Variants in ADAMTSL1 observed in about 807,000 individuals in gnomAD.
ADAMTSL1 encodes the protein ADAMTS like 1.
ADAMTSL1 carries 126 observed loss-of-function variants against 201.8 expected under a neutral mutation model. The observed-to-expected ratio is 0.62, with a 90% CI of 0.54 to 0.72. ADAMTSL1 has a LOEUF of 0.72. Ranked by LOEUF, ADAMTSL1 falls within the 30% of genes least tolerant of loss-of-function variation. The pLI is 0.00. For missense variants in ADAMTSL1, 2,679 were observed against 2,277.8 expected, an observed-to-expected ratio of 1.18 and a Z score of -3.59; for synonymous variants, 1,121 against 903.4, an observed-to-expected ratio of 1.24 and a Z score of -4.32.
At position 18,829,834 on chromosome 9, in the gene ADAMTSL1, T is replaced by C; in HGVS notation, c.4115-9T>C. 1.9e-6 allele frequency: 3 copies of C among 1,613,936 alleles called. No homozygotes were observed. Among genetic ancestry groups the C allele is most frequent in the Non-Finnish European group, 2.5e-6 (3 of 1,179,836 alleles). ...TAACCTGCCTGATCCACCCTCTGCC[T>C]TCTCACAGATCCCCCCCAAGTCCCC... On this transcript the variant is annotated splice_polypyrimidine_tract_variant and intron_variant, in intron 22 of 28. Coordinates refer to ENST00000380548, the MANE Select transcript of ADAMTSL1 (RefSeq NM_001040272.6).
At chr9:18,316,641 C>G (rs141838605) in intron 2 of ADAMTSL1, among the ~76,000 whole-genome samples, 1 of 151,920 alleles carries the variant, frequency 6.6e-6, no homozygotes, top group Admixed American at 6.6e-5. Flanking sequence ...TTTCAAGGTG[C>G]CCAGATTTCA....
intron 9 of ADAMTSL1, among the ~76,000 whole-genome samples, chr9:18,668,290 G>T (rs1000277126): frequency 1.3e-5 from 2 of 152,050 alleles, no homozygotes; most frequent in Admixed American, 1.3e-4. Flanking sequence ...TGAGATAAAT[G>T]ATACAAAGTT....
chr9:18,254,344 G>GT (rs1831584113), intron 2 of ADAMTSL1, among the ~76,000 whole-genome samples: 2 of 55,088 alleles, frequency 3.6e-5, no homozygotes, highest in African/African-American at 1.2e-4. Flanking sequence ...TACTCTTTTT[G>GT]GTTTTTTTTT....
chr9:18,021,510 G>T (rs1287004536), intron 1 of ADAMTSL1, among the ~76,000 whole-genome samples: 1 of 152,148 alleles, frequency 6.6e-6, no homozygotes, highest in African/African-American at 2.4e-5. Flanking sequence ...GGTTGGAACT[G>T]AAACATCTAT....
chr9:18,754,980 C>T (rs10738518), intron 16 of ADAMTSL1, among the ~76,000 whole-genome samples: 104,575 of 151,944 alleles, frequency 0.69, 36,213 homozygotes, highest in Admixed American at 0.75. Context: ...ATTAGCCTTA[C>T]TTTAGGTTTG....
At position 18,023,450 on chromosome 9, in the gene ADAMTSL1, A is replaced by G. The variant is rs1343200079; in HGVS notation, c.87+116528A>G. Among the ~76,000 whole-genome samples the G allele has an allele frequency of 2.6e-5, 4 of 152,246 alleles. No individual in the cohort carries two copies. The East Asian group carries it at 7.7e-4, about 29-fold the overall frequency. On this transcript the variant is annotated intron_variant, in intron 1 of 29. Transcript: ENST00000680146. ...AAGCTAAAGAAAAAAACCTTGTGAT[A>G]AGTTATTTTCTCTGCATATGACCAG...
At chr9:18,290,281 A>ATTT (rs35411626) in intron 2 of ADAMTSL1, among the ~76,000 whole-genome samples, 44,123 of 147,750 alleles carry the variant, frequency 0.3, 7,290 homozygotes, top group South Asian at 0.48. Flanking sequence ...AGGGGATTAG[A>ATTT]TTTTTTTTTT....
rs188871643 is a variant in ADAMTSL1, at chr9:18,843,999, A to G, written c.4249+14022A>G. 3.1e-3 allele frequency among the ~76,000 whole-genome samples: 477 copies of G among 152,234 alleles called. 3 individuals carry two copies. The highest frequency in any genetic ancestry group is 0.011 in the African/African-American group (438 of 41,532). On this transcript the variant is annotated intron_variant, in intron 23 of 28. Transcript: ENST00000380548. ...GTTTGAATTTCCTCCTGTAGCTCGG[A>G]GTAGTTTGATCGTCTGAAGACTTCT... is the stretch of plus-strand genomic sequence containing the variant.
At chr9:18,554,997 CT>C (rs779531860) in intron 3 of ADAMTSL1, among the ~76,000 whole-genome samples, 26 of 151,796 alleles carry the variant, frequency 1.7e-4, no homozygotes, top group Non-Finnish European at 3.4e-4. Flanking sequence ...GTTTCACTAC[CT>C]TAAAAATCTT....
At chr9:18,232,038 C>T (rs12378796) in intron 2 of ADAMTSL1, among the ~76,000 whole-genome samples, 15,753 of 152,210 alleles carry the variant, frequency 0.1, 931 homozygotes, top group South Asian at 0.18. Context: ...AAACATAAGT[C>T]ACATCGTGTC....
chr9:18,122,770 C>A (rs530400666), intron 1 of ADAMTSL1, among the ~76,000 whole-genome samples: 27 of 152,028 alleles, frequency 1.8e-4, no homozygotes, highest in South Asian at 1.0e-3. Context: ...CTGGGCAGGG[C>A]AGGTTGGTTT....
At chr9:18,458,187 TAAACC>T (rs1473838796) in intron 2 of ADAMTSL1, among the ~76,000 whole-genome samples, 1 of 152,242 alleles carries the variant, frequency 6.6e-6, no homozygotes, top group Non-Finnish European at 1.5e-5. Flanking sequence ...TGTTTTCATT[TAAACC>T]AAGAGTTTTC....
At chr9:18,180,564 A>T (rs1218179716) in intron 2 of ADAMTSL1, among the ~76,000 whole-genome samples, 2 of 151,420 alleles carry the variant, frequency 1.3e-5, no homozygotes, top group East Asian at 3.9e-4. Context: ...AATACCTAAG[A>T]ATCCAACTTA....
At chr9:18,129,469 A>G (rs190947375) in intron 1 of ADAMTSL1, among the ~76,000 whole-genome samples, 3 of 152,288 alleles carry the variant, frequency 2.0e-5, no homozygotes, top group East Asian at 3.9e-4. Flanking sequence ...GGCCCCTGAG[A>G]AGACCTGCTT....
rs140590433 is a variant in ADAMTSL1 at position 17,984,292 on chromosome 9, G to A, written c.87+77370G>A. Reference sequence around the variant, plus strand: ...TACTCTCAGCACCCAGATTATGATTGTTAGCAGTTTTGTGTATCCTTCCCA... The same window carrying A: ...TACTCTCAGCACCCAGATTATGATTATTAGCAGTTTTGTGTATCCTTCCCA... On this transcript the variant is annotated intron_variant, in intron 1 of 29. Transcript: ENST00000680146. 6.6e-3 allele frequency among the ~76,000 whole-genome samples: 1,011 copies of A among 152,130 alleles called. 14 individuals carry two copies. Among genetic ancestry groups the A allele is most frequent in the African/African-American group, 0.022 (922 of 41,542 alleles).
chr9:18,907,297 G>C (rs1388700577), intron 28 of ADAMTSL1: 2 of 226,044 alleles, frequency 8.8e-6, no homozygotes, highest in Non-Finnish European at 1.7e-5. Context: ...AAGGAGCACA[G>C]AGTGCCTCCT....
At chr9:18,672,185 TG>T (rs1452138633) in intron 9 of ADAMTSL1, among the ~76,000 whole-genome samples, 2 of 149,078 alleles carry the variant, frequency 1.3e-5, no homozygotes, top group African/African-American at 2.5e-5. Context: ...AATTTTGGCT[TG>T]TTTTTTTTTT....
chr9:18,222,879 A>G (rs544964083), intron 2 of ADAMTSL1, among the ~76,000 whole-genome samples: 32 of 151,950 alleles, frequency 2.1e-4, no homozygotes, highest in Admixed American at 7.2e-4. Flanking sequence ...TCCAGACATT[A>G]CTGTACCATT....
chr9:18,647,079 T>G (rs1454044115), intron 7 of ADAMTSL1, among the ~76,000 whole-genome samples: 1 of 152,178 alleles, frequency 6.6e-6, no homozygotes, highest in African/African-American at 2.4e-5. Flanking sequence ...CTGTTATTGG[T>G]CTACTCAGAG....
Sources: gnomAD v4.1 joint callset for allele counts (sites outside exome capture counted in the v4.1 genomes callset) on GRCh38, gnomAD v4.1.1 for gene constraint, MANE v1.5 for transcripts, NCBI Gene and HGNC (gene_info 2026-07-23, HGNC 2026-07-21) for gene names.